Variants in OR2T35 observed in about 807,000 individuals in gnomAD.
OR2T35 encodes olfactory receptor 2T35.
For synonymous variants in OR2T35, 18 were observed against 110.2 expected (o/e 0.16, Z 5.24); for missense variants, 47 against 278.8 (o/e 0.17, Z 5.92).
intron 1 of OR2T35, 68 bp from the exon 2 acceptor site, chr1:248,639,348 T>C: frequency 2.1e-6 from 1 of 483,316 alleles, no homozygotes; most frequent in Non-Finnish European, 3.9e-6. Context: ...CCAGGAATAG[T>C]ATGTCAGAAG....
chr1:248,639,663 T>C (rs1436581664), intron 1 of OR2T35, among the ~76,000 whole-genome samples: 2 of 79,068 alleles, frequency 2.5e-5, no homozygotes. Context: ...CCATTTCGCC[T>C]AGCGAAATGA....
Position 248,638,548 on chromosome 1 carries a change from G to C in OR2T35, c.711C>G (p.Ala237=), listed in dbSNP as rs760663404. The change falls in exon 2 of 2, where the codon GCC becomes GCG. Residue 237 remains alanine, a synonymous_variant. Transcript: ENST00000641268. ...RMNSAEGRRK[A]FATCSSHIMV... is the part of the protein sequence containing the mutation. ...TAATGTGGGAGGAACACGTAGCAAA[G>C]GCTTTGCGCCGGCCCTCAGCAGAGT... 13 of 1,545,548 alleles carry C rather than the reference G, an allele frequency of 8.4e-6. 1 individual carries two copies. The highest frequency in any genetic ancestry group is 1.1e-5 in the Non-Finnish European group (13 of 1,133,980).
chr1:248,639,419 A>T, intron 1 of OR2T35, 139 bp from the exon 2 acceptor site: 2 of 666,794 alleles, frequency 3.0e-6, no homozygotes, highest in East Asian at 5.3e-5. Context: ...GGGTTTCAGT[A>T]TTAATGATCT....
chr1:248,642,350 A>AG (rs1347970057), intron 1 of OR2T35, among the ~76,000 whole-genome samples: 121 of 141,894 alleles, frequency 8.5e-4, no homozygotes, highest in African/African-American at 2.8e-3. Context: ...CCTGACCCCC[A>AG]GGACCAGTTA....
Position 248,641,713 on chromosome 1 carries a change from A to G in OR2T35, c.-22-2433T>C, listed in dbSNP as rs1770060. Among the ~76,000 whole-genome samples, 23 of 73,546 alleles carry G rather than the reference A, an allele frequency of 3.1e-4. 1 individual carries two copies. Among genetic ancestry groups the G allele is most frequent in the African/African-American group, 7.4e-4 (23 of 30,964 alleles). The allele number at this position is 73,546 out of a possible 152,430, so 48.2% of individuals were successfully genotyped here. ...AGACCGTGTTAAAAAAAAAAAAAAA[A>G]AGGTTCCTTGTGAGTGTGAGCGTTG... On this transcript the variant is annotated intron_variant, in intron 1 of 1. Transcript: ENST00000641268.
In OR2T35 at chr1:248,638,537, C is replaced by CA. The variant is rs2103107151; in HGVS notation, c.721dup (p.Cys241LeufsTer32). 1 of 1,469,634 alleles carries CA rather than the reference C, an allele frequency of 6.8e-7. No homozygotes were observed. Among genetic ancestry groups the CA allele is most frequent in the South Asian group, 1.1e-5 (1 of 87,106 alleles). The allele number at this position is 1,469,634 out of a possible 1,614,324, so 91.0% of individuals were successfully genotyped here. A position where few individuals can be genotyped will look rare whatever the true frequency, so the allele number is the denominator to read the frequency against. On this transcript the variant is annotated frameshift_variant, in exon 2 of 2. Transcript: ENST00000641268. LOFTEE classifies it low-confidence loss of function (END_TRUNC). ...GCTCACCACCATAATGTGGGAGGAA[C>CA]ACGTAGCAAAGGCTTTGCGCCGGCC...
Position 248,645,190 on chromosome 1 carries a change from T to C in OR2T35, c.-23+57A>G, listed in dbSNP as rs1293118333. The C allele has an allele frequency of 1.5e-5, 2 of 132,078 alleles. 1 individual carries two copies. Among genetic ancestry groups the C allele is most frequent in the African/African-American group, 5.4e-5 (2 of 37,030 alleles). The allele number at this position is 132,078 out of a possible 1,614,324, so 8.2% of individuals were successfully genotyped here. A position where few individuals can be genotyped will look rare whatever the true frequency, so the allele number is the denominator to read the frequency against. On this transcript the variant is annotated intron_variant, in intron 1 of 1. Transcript: ENST00000641268. Reference sequence around the variant, plus strand: ...GTGAACATTTATTGAACACTTACTATGCCAGAAATTAGTTCAGTTTGATGA... The same window carrying C: ...GTGAACATTTATTGAACACTTACTACGCCAGAAATTAGTTCAGTTTGATGA...
At chr1:248,642,240 AAGAAAAAG>A (rs1192853661) in intron 1 of OR2T35, among the ~76,000 whole-genome samples, 52 of 101,684 alleles carry the variant, frequency 5.1e-4, no homozygotes, top group African/African-American at 1.3e-3. Context: ...AAAAAAGAAA[AAGAAAAAG>A]AAAAAGCTTT....
chr1:248,643,929 C>T (rs1339028807), intron 1 of OR2T35, among the ~76,000 whole-genome samples: 12 of 57,560 alleles, frequency 2.1e-4, no homozygotes, highest in African/African-American at 4.8e-4. Context: ...ACATCTAAAT[C>T]GCCAGCTTCA....
intron 1 of OR2T35, among the ~76,000 whole-genome samples, chr1:248,645,011 A>T (rs1660841481): frequency 2.5e-5 from 1 of 40,238 alleles, no homozygotes; most frequent in African/African-American, 4.4e-5. Flanking sequence ...TTTAAATGGT[A>T]ACTGTTTTCA....
chr1:248,642,216 C>CAAAAAAAAAAAAAA (rs61189391), intron 1 of OR2T35, among the ~76,000 whole-genome samples: 2 of 53,658 alleles, frequency 3.7e-5, no homozygotes, highest in Non-Finnish European at 1.2e-4. Context: ...CTAGTCTTTC[C>CAAAAAAAAAAAAAA]AAAAAAAAAA....
chr1:248,644,648 G>A (rs1174264391), intron 1 of OR2T35, among the ~76,000 whole-genome samples: 1 of 142,536 alleles, frequency 7.0e-6, no homozygotes, highest in Non-Finnish European at 1.5e-5. Context: ...GTGCAAATGG[G>A]AGTTGTTTCA....
Position 248,638,149 on chromosome 1 carries a change from G to GT in OR2T35, c.*137dup. On this transcript the variant is annotated 3_prime_UTR_variant, in exon 2 of 2. Coordinates refer to ENST00000641268, the MANE Select transcript of OR2T35 (RefSeq NM_001001827.2). ...ATACCATATTTTCTGTAATAGCTGCGTTATTGGCCGCAGCACCGCAGATGT... is the reference window on the plus strand; with the variant it reads ...ATACCATATTTTCTGTAATAGCTGCGTTTATTGGCCGCAGCACCGCAGATGT... The GT allele has an allele frequency of 1.9e-6, 1 of 526,532 alleles. No homozygotes were observed. Among genetic ancestry groups the GT allele is most frequent in the South Asian group, 2.0e-5 (1 of 49,696 alleles). The allele number at this position is 526,532 out of a possible 1,614,324, so 32.6% of individuals were successfully genotyped here. A position where few individuals can be genotyped will look rare whatever the true frequency, so the allele number is the denominator to read the frequency against.
intron 1 of OR2T35, among the ~76,000 whole-genome samples, chr1:248,641,712 A>AG (rs1660785607): frequency 1.3e-5 from 1 of 75,342 alleles, no homozygotes; most frequent in African/African-American, 3.3e-5. Context: ...AAAAAAAAAA[A>AG]AAGGTTCCTT....
rs1367596966 is a variant in OR2T35 at position 248,638,168 on chromosome 1, C to T, written c.*119G>A. 1 of 722,200 alleles carries T rather than the reference C, an allele frequency of 1.4e-6. No homozygotes were observed. The highest frequency in any genetic ancestry group is 1.6e-5 in the African/African-American group (1 of 63,014). 44.7% of individuals were successfully genotyped at this position (722,200 alleles called of 1,614,324 possible). ...AGCTGCGTTATTGGCCGCAGCACCGCAGATGTTTGCACTAGTCCCTGCTAG... is the reference window on the plus strand; with the variant it reads ...AGCTGCGTTATTGGCCGCAGCACCGTAGATGTTTGCACTAGTCCCTGCTAG... On this transcript the variant is annotated 3_prime_UTR_variant, in exon 2 of 2. Transcript: ENST00000641268.
At chr1:248,642,145 C>T (rs1782220) in intron 1 of OR2T35, among the ~76,000 whole-genome samples, 1 of 64,624 alleles carries the variant, frequency 1.5e-5, no homozygotes, top group African/African-American at 3.6e-5. Context: ...TCCCCATCAG[C>T]TCATCTTTCC....
rs1660728830 is a variant in OR2T35 at position 248,638,232 on chromosome 1, TC to T, written c.*54del. Reference sequence around the variant, plus strand: ...GTCACCACCCCTGATGCTCTGGGAGTCCCCGCTAATCCTTCCCGATCACAGT... The same window carrying T: ...GTCACCACCCCTGATGCTCTGGGAGTCCCGCTAATCCTTCCCGATCACAGT... On this transcript the variant is annotated 3_prime_UTR_variant, in exon 2 of 2. Transcript: ENST00000641268. The T allele has an allele frequency of 2.1e-6, 2 of 932,964 alleles. 1 individual carries two copies. Among genetic ancestry groups the T allele is most frequent in the Non-Finnish European group, 3.5e-6 (2 of 574,222 alleles). The allele number at this position is 932,964 out of a possible 1,614,324, so 57.8% of individuals were successfully genotyped here.
At chr1:248,642,354 C>T (rs1660798679) in intron 1 of OR2T35, among the ~76,000 whole-genome samples, 1 of 141,806 alleles carries the variant, frequency 7.1e-6, no homozygotes, top group African/African-American at 2.5e-5. Flanking sequence ...ACCCCCAGGA[C>T]CAGTTATAAC....
rs1226590680 is a variant in OR2T35 at position 248,638,208 on chromosome 1, T to C, written c.*79A>G. The C allele has an allele frequency of 2.6e-6, 2 of 772,098 alleles. No homozygotes were observed. Among genetic ancestry groups the C allele is most frequent in the Non-Finnish European group, 4.0e-6 (2 of 505,724 alleles). The allele number at this position is 772,098 out of a possible 1,614,324, so 47.8% of individuals were successfully genotyped here. On this transcript the variant is annotated 3_prime_UTR_variant, in exon 2 of 2. Coordinates refer to ENST00000641268, the MANE Select transcript of OR2T35 (RefSeq NM_001001827.2). Reference sequence around the variant, plus strand: ...GTCCCTGCTAGTCCTTCCTGATCAGTCACCACCCCTGATGCTCTGGGAGTC... The same window carrying C: ...GTCCCTGCTAGTCCTTCCTGATCAGCCACCACCCCTGATGCTCTGGGAGTC...
Sources: gnomAD v4.1 joint callset for allele counts (sites outside exome capture counted in the v4.1 genomes callset) on GRCh38, gnomAD v4.1.1 for gene constraint, MANE v1.5 for transcripts, NCBI Gene and HGNC (gene_info 2026-07-23, HGNC 2026-07-21) for gene names.